The following LYSMD4 variants were observed in gnomAD, a reference collection of about 807,000 sequenced individuals.
LYSMD4 encodes the protein LysM domain containing 4, also known as lysM and putative peptidoglycan-binding domain-containing protein 4.
Under a neutral mutation model 6.1 loss-of-function variants are expected in LYSMD4, and 9 were observed. The observed-to-expected ratio is 1.47, with a 90% CI of 0.88 to 2.56. The LOEUF (loss-of-function observed/expected upper bound fraction) is 2.56. Ranked by LOEUF, LYSMD4 falls within the 30% of genes most tolerant of loss-of-function variation. The probability of loss-of-function intolerance (pLI) is 0.00; values close to 1 mark genes in which losing one functional copy is unlikely to be tolerated. For synonymous variants in LYSMD4, 143 were observed against 148.5 expected, an observed-to-expected ratio of 0.96 and a Z score of 0.27; for missense variants, 384 against 373.5, an observed-to-expected ratio of 1.03 and a Z score of -0.23.
In LYSMD4 at chr15:99,733,402, G is replaced by GCAGCCGCC. The variant is rs1555509565; in HGVS notation, c.-67_-66insGGCGGCTG. The GCAGCCGCC allele has an allele frequency of 2.5e-6, 1 of 395,018 alleles. No homozygotes were observed. Among genetic ancestry groups the GCAGCCGCC allele is most frequent in the East Asian group, 3.6e-5 (1 of 27,842 alleles). The allele number at this position is 395,018 out of a possible 1,614,324, so 24.5% of individuals were successfully genotyped here. On this transcript the variant is annotated 5_prime_UTR_variant, in exon 1 of 3. Transcript: ENST00000684762. ...CGGCGACTCGCGACCCGCGACCCGC[G>GCAGCCGCC]ACCCGCAGCTGCCACCGCGCCTGCG...
chr15:99,723,886 C>T (rs1224760857), downstream of LYSMD4, among the ~76,000 whole-genome samples: 6 of 144,254 alleles, frequency 4.2e-5, no homozygotes, highest in African/African-American at 1.8e-4. Context: ...CGTAGCTTCC[C>T]ACTGTCCATC....
downstream of LYSMD4, among the ~76,000 whole-genome samples, chr15:99,725,497 A>G (rs759764729): frequency 7.9e-5 from 12 of 151,918 alleles, no homozygotes; most frequent in African/African-American, 2.7e-4. Context: ...CTTTTTCTCA[A>G]TCCTTTGACT....
chr15:99,716,188 T>A (rs751428332), exon 1 of LYSMD4: 53 of 184,110 alleles, frequency 2.9e-4, no homozygotes, highest in Non-Finnish European at 5.4e-4. Context: ...ATGGCTTTTT[T>A]AAAAGAGATT....
At chr15:99,724,542 G>A (rs2059262552), downstream of LYSMD4, among the ~76,000 whole-genome samples, 1 of 152,230 alleles carries the variant, frequency 6.6e-6, no homozygotes. Context: ...TGGGATTACA[G>A]GCGTGAGCCA....
chr15:99,717,273 C>T (rs1340854422), exon 1 of LYSMD4: 2 of 152,440 alleles, frequency 1.3e-5, no homozygotes, highest in Non-Finnish European at 2.9e-5. Context: ...AAAGTCAATT[C>T]ATTACATTTT....
exon 1 of LYSMD4, chr15:99,716,359 T>G (rs758575457): frequency 2.8e-6 from 1 of 356,846 alleles, no homozygotes. Flanking sequence ...CTGAATGTGT[T>G]GTTTTTCTTC....
At chr15:99,715,791 C>T (rs1287685221) in exon 1 of LYSMD4, 4 of 152,220 alleles carry the variant, frequency 2.6e-5, no homozygotes, top group African/African-American at 9.7e-5. Context: ...AGCTGTCCTT[C>T]CTCAGTACTC....
downstream of LYSMD4, among the ~76,000 whole-genome samples, chr15:99,723,275 T>C (rs754356471): frequency 2.6e-5 from 4 of 152,112 alleles, no homozygotes; most frequent in Non-Finnish European, 4.4e-5. Context: ...CAAGAAACAA[T>C]GAGCCCCAAA....
At position 99,729,683 on chromosome 15, in the gene LYSMD4, A is replaced by T. The variant is rs141429668; in HGVS notation, c.331T>A (p.Tyr111Asn). 5.6e-6 allele frequency: 9 copies of T among 1,613,762 alleles called. No homozygotes were observed. Among genetic ancestry groups the T allele is most frequent in the Non-Finnish European group, 7.6e-6 (9 of 1,179,956 alleles). ...VNNFIREQDLYALKSVKIPVR... is the reference protein window; with the variant it reads ...VNNFIREQDLNALKSVKIPVR... ...GGAATCTTAACAGATTTCAAAGCAT[A>T]TAAGTCTTGTTCTCTGATGAAGTTG... is the stretch of plus-strand genomic sequence containing the variant. Residue 111 changes from tyrosine (Y) to asparagine (N), a missense_variant, in exon 3 of 3, where the codon TAT (tyrosine) becomes AAT (asparagine). Transcript: ENST00000684762.
chr15:99,719,932 G>C (rs1031636872), upstream of LYSMD4, among the ~76,000 whole-genome samples: 2 of 152,268 alleles, frequency 1.3e-5, no homozygotes, highest in South Asian at 2.1e-4. Flanking sequence ...GAGTGAGATT[G>C]AGCATTTTTT....
rs1597398082 is a variant in LYSMD4 at position 99,733,403 on chromosome 15, ACCCGCAGCTGCCACCGCGC to A, written c.-86_-68del. 48 of 395,220 alleles carry A rather than the reference ACCCGCAGCTGCCACCGCGC, an allele frequency of 1.2e-4. No homozygotes were observed. In the East Asian group the frequency reaches 1.7e-3, roughly 14 times the overall value. 24.5% of individuals were successfully genotyped at this position (395,220 alleles called of 1,614,324 possible). A position where few individuals can be genotyped will look rare whatever the true frequency, so the allele number is the denominator to read the frequency against. ...GGCGACTCGCGACCCGCGACCCGCG[ACCCGCAGCTGCCACCGCGC>A]CTGCGGATTGGCTACGAACATCAGC... is the stretch of plus-strand genomic sequence containing the variant. On this transcript the variant is annotated 5_prime_UTR_variant, in exon 1 of 3. Transcript: ENST00000684762.
exon 1 of LYSMD4, chr15:99,717,311 T>A (rs533599736): frequency 3.9e-5 from 6 of 152,512 alleles, no homozygotes; most frequent in African/African-American, 1.4e-4. Flanking sequence ...GGTGCCTTGC[T>A]CTAGGCAGTA....
chr15:99,722,860 C>T (rs1192377387), downstream of LYSMD4, among the ~76,000 whole-genome samples: 1 of 151,996 alleles, frequency 6.6e-6, no homozygotes, highest in East Asian at 1.9e-4. Flanking sequence ...GACAAAAACC[C>T]GTCTCTATTA....
chr15:99,722,389 G>A (rs73482443), upstream of LYSMD4, among the ~76,000 whole-genome samples: 4,496 of 152,252 alleles, frequency 0.03, 247 homozygotes, highest in African/African-American at 0.1. Flanking sequence ...GTGAGCCTCA[G>A]AAGGACTGAA....
In LYSMD4 at chr15:99,733,370, C is replaced by T. The variant is rs1021707440; in HGVS notation, c.-34G>A. On this transcript the variant is annotated 5_prime_UTR_variant, in exon 1 of 3. Coordinates refer to ENST00000684762, the MANE Select transcript of LYSMD4 (RefSeq NM_001284417.2). Reference sequence around the variant, plus strand: ...CTCAGCGCCCAGGCTCCGCCGCGACCGGCGACCGGCGACTCGCGACCCGCG... The same window carrying T: ...CTCAGCGCCCAGGCTCCGCCGCGACTGGCGACCGGCGACTCGCGACCCGCG... The T allele has an allele frequency of 5.1e-6, 2 of 395,072 alleles. No homozygotes were observed. The highest frequency in any genetic ancestry group is 8.9e-5 in the Admixed American group (2 of 22,596). The allele number at this position is 395,072 out of a possible 1,614,324, so 24.5% of individuals were successfully genotyped here. A position where few individuals can be genotyped will look rare whatever the true frequency, so the allele number is the denominator to read the frequency against.
At chr15:99,716,832 G>A (rs919469893) in exon 1 of LYSMD4, 15 of 373,372 alleles carry the variant, frequency 4.0e-5, no homozygotes, top group African/African-American at 2.5e-4. Flanking sequence ...CAGGAAATAC[G>A]CCAAAGCCTG....
At chr15:99,722,946 G>A (rs1001361567), downstream of LYSMD4, among the ~76,000 whole-genome samples, 5 of 152,172 alleles carry the variant, frequency 3.3e-5, no homozygotes, top group Admixed American at 1.3e-4. Context: ...CAGGAGATTC[G>A]CTTGAGCCTG....
At chr15:99,732,617 A>C (rs1256967416) in intron 1 of LYSMD4, among the ~76,000 whole-genome samples, 1 of 152,046 alleles carries the variant, frequency 6.6e-6, no homozygotes, top group East Asian at 1.9e-4. Context: ...CATTCATTAC[A>C]TCCCCATTGT....
chr15:99,730,728 C>T (rs909074936), intron 2 of LYSMD4, among the ~76,000 whole-genome samples: 1 of 152,188 alleles, frequency 6.6e-6, no homozygotes, highest in African/African-American at 2.4e-5. Flanking sequence ...TTATTTACTT[C>T]AAATAGGAAA....
Sources: allele counts gnomAD v4.1 joint callset (sites outside exome capture counted in the v4.1 genomes callset), GRCh38; gene constraint gnomAD v4.1.1; transcripts MANE v1.5; gene names NCBI Gene and HGNC (gene_info 2026-07-23, HGNC 2026-07-21).